The following ESRRG variants were observed in gnomAD, a reference collection of about 807,000 sequenced individuals.
The protein encoded by ESRRG is estrogen-related receptor gamma.
A neutral mutation model predicts 44.0 loss-of-function variants in ESRRG; 13 were observed. The observed-to-expected ratio is 0.30, with a 90% CI of 0.19 to 0.47. The LOEUF is 0.47. Ranked by LOEUF, ESRRG falls within the 20% of genes least tolerant of loss-of-function variation. The probability of loss-of-function intolerance (pLI) is 1.00; values close to 1 mark genes in which losing one functional copy is unlikely to be tolerated. For synonymous variants in ESRRG, 215 were observed against 214.6 expected (o/e 1.00, Z -0.02); for missense variants, 395 against 580.6 (o/e 0.68, Z 3.29).
chr1:216,974,483 C>T (rs2072443122), intron 1 of ESRRG, among the ~76,000 whole-genome samples: 2 of 152,076 alleles, frequency 1.3e-5, no homozygotes, highest in South Asian at 4.1e-4. Context: ...AAAAAGATCT[C>T]AACATTTCTT....
At chr1:216,516,668 C>CACACACACACACACAG (rs376701865) in intron 6 of ESRRG, among the ~76,000 whole-genome samples, 5,439 of 136,856 alleles carry the variant, frequency 0.04, 141 homozygotes, top group East Asian at 0.074. Flanking sequence ...CACACACACA[C>CACACACACACACACAG]AGAGAGAGAG....
intron 2 of ESRRG, among the ~76,000 whole-genome samples, chr1:216,841,779 A>G (rs922254002): frequency 6.6e-6 from 1 of 152,172 alleles, no homozygotes; most frequent in Non-Finnish European, 1.5e-5. Flanking sequence ...TGGGAAATGC[A>G]CATGTTGGTT....
chr1:216,914,542 A>G (rs1011860157), intron 2 of ESRRG, among the ~76,000 whole-genome samples: 1 of 152,242 alleles, frequency 6.6e-6, no homozygotes, highest in Non-Finnish European at 1.5e-5. Flanking sequence ...GTATGAAAAA[A>G]AAGACTTTGA....
intron 1 of ESRRG, among the ~76,000 whole-genome samples, chr1:217,081,892 C>T (rs2091794033): frequency 6.6e-6 from 1 of 152,186 alleles, no homozygotes; most frequent in South Asian, 2.1e-4. Context: ...AACGTCATGG[C>T]AAAAGTGCCA....
At chr1:216,952,344 A>G (rs2067113083) in intron 1 of ESRRG, among the ~76,000 whole-genome samples, 4 of 152,140 alleles carry the variant, frequency 2.6e-5, no homozygotes, top group Admixed American at 2.6e-4. Context: ...CTAATTGCCC[A>G]TATTTTGCAA....
intron 1 of ESRRG, among the ~76,000 whole-genome samples, chr1:217,010,362 CA>C (rs1461801548): frequency 1.3e-5 from 2 of 152,198 alleles, no homozygotes; most frequent in Non-Finnish European, 2.9e-5. Flanking sequence ...CTCACAAATG[CA>C]GCTGAAATTT....
chr1:216,847,306 G>A (rs542471460), intron 2 of ESRRG, among the ~76,000 whole-genome samples: 19 of 152,202 alleles, frequency 1.2e-4, no homozygotes, highest in African/African-American at 4.1e-4. Context: ...ATGGCATTAA[G>A]TTGCAATTTT....
intron 3 of ESRRG, among the ~76,000 whole-genome samples, chr1:216,611,074 G>T (rs549009906): frequency 1.6e-4 from 25 of 152,008 alleles, no homozygotes; most frequent in African/African-American, 5.8e-4. Context: ...GTAGTGGCAG[G>T]TGCCTGTAAT....
chr1:216,731,163 A>T (rs1247269768), intron 2 of ESRRG, among the ~76,000 whole-genome samples: 1 of 152,224 alleles, frequency 6.6e-6, no homozygotes, highest in Non-Finnish European at 1.5e-5. Context: ...AAGTGTTCAA[A>T]AACGGTTCTT....
chr1:216,863,464 T>A (rs2096088319), intron 2 of ESRRG: 1 of 152,170 alleles, frequency 6.6e-6, no homozygotes, highest in African/African-American at 2.4e-5. Flanking sequence ...GTAGATCTCA[T>A]ACTACCTAGT....
chr1:216,921,095 A>G (rs2061776446), intron 2 of ESRRG, among the ~76,000 whole-genome samples: 2 of 152,216 alleles, frequency 1.3e-5, no homozygotes, highest in South Asian at 2.1e-4. Context: ...CAATTACTAC[A>G]TGACTTTGAA....
At chr1:216,729,589 G>T (rs2088289254) in intron 2 of ESRRG, among the ~76,000 whole-genome samples, 1 of 152,108 alleles carries the variant, frequency 6.6e-6, no homozygotes, top group African/African-American at 2.4e-5. Flanking sequence ...ACTAAAAGAT[G>T]TTCCCCTTAA....
At chr1:216,608,249 C>T (rs1051512115) in intron 3 of ESRRG, among the ~76,000 whole-genome samples, 3 of 152,106 alleles carry the variant, frequency 2.0e-5, no homozygotes, top group Non-Finnish European at 4.4e-5. Context: ...AAATATTATC[C>T]TCCTTTATTG....
intron 1 of ESRRG, among the ~76,000 whole-genome samples, chr1:217,019,537 A>G (rs1226347756): frequency 2.6e-5 from 4 of 152,208 alleles, no homozygotes; most frequent in African/African-American, 9.6e-5. Context: ...CTTGACAGGA[A>G]AACCTGCAAG....
intron 2 of ESRRG, among the ~76,000 whole-genome samples, chr1:216,910,853 GATCA>G (rs1341274443): frequency 3.9e-5 from 6 of 152,286 alleles, no homozygotes; most frequent in African/African-American, 1.4e-4. Flanking sequence ...GAATTGCAAA[GATCA>G]CTACTAAGAA....
intron 1 of ESRRG, among the ~76,000 whole-genome samples, chr1:217,052,420 A>C (rs1243820736): frequency 1.3e-5 from 2 of 152,194 alleles, no homozygotes; most frequent in Non-Finnish European, 2.9e-5. Context: ...CATCAACATC[A>C]AAAGAATCTC....
At chr1:217,032,324 C>T (rs926155557) in intron 1 of ESRRG, among the ~76,000 whole-genome samples, 1 of 152,136 alleles carries the variant, frequency 6.6e-6, no homozygotes, top group African/African-American at 2.4e-5. Context: ...TTCTGGGCCT[C>T]ACTTTTTCCT....
At chr1:216,958,763 CTAG>C (rs2068456623) in intron 1 of ESRRG, among the ~76,000 whole-genome samples, 1 of 152,102 alleles carries the variant, frequency 6.6e-6, no homozygotes, top group South Asian at 2.1e-4. Context: ...ATCTCATCTC[CTAG>C]TACTGCTCCA....
intron 1 of ESRRG, among the ~76,000 whole-genome samples, chr1:217,122,485 T>A (rs2102502988): frequency 6.6e-6 from 1 of 152,268 alleles, no homozygotes; most frequent in Admixed American, 6.5e-5. Flanking sequence ...CTACAAAATA[T>A]CAATCATCAC....
Sources: gnomAD v4.1 joint callset for allele counts (sites outside exome capture counted in the v4.1 genomes callset) on GRCh38, gnomAD v4.1.1 for gene constraint, MANE v1.5 for transcripts, NCBI Gene and HGNC (gene_info 2026-07-23, HGNC 2026-07-21) for gene names.